HS3ST5: variants seen among roughly 807,000 people sequenced by gnomAD.
The protein encoded by HS3ST5 is heparan sulfate glucosamine 3-O-sulfotransferase 5.
HS3ST5 carries 10 observed loss-of-function variants against 25.4 expected under a neutral mutation model. The observed-to-expected ratio is 0.39, with a 90% CI of 0.24 to 0.67. The LOEUF (loss-of-function observed/expected upper bound fraction) is 0.67, where lower values mean the gene tolerates loss of function less well. Among genes scored for constraint, HS3ST5 ranks in the 30% least tolerant of loss-of-function variants. HS3ST5 has a pLI of 0.44. For missense variants in HS3ST5, 324 were observed against 420.7 expected (o/e 0.77, Z 2.01); for synonymous variants, 170 against 162.4 (o/e 1.05, Z -0.36).
intron 2 of HS3ST5, among the ~76,000 whole-genome samples, chr6:114,207,572 G>A (rs1378829488): frequency 2.0e-5 from 3 of 152,068 alleles, no homozygotes; most frequent in South Asian, 2.1e-4. Flanking sequence ...CATTCTCAGC[G>A]AGAAGTCCAA....
chr6:114,307,050 C>T (rs971450748), intron 1 of HS3ST5, among the ~76,000 whole-genome samples: 1 of 152,194 alleles, frequency 6.6e-6, no homozygotes. Flanking sequence ...ACTATATTCA[C>T]TTCAAGCAAG....
At chr6:114,243,740 T>A (rs1214879321) in intron 1 of HS3ST5, among the ~76,000 whole-genome samples, 8 of 152,212 alleles carry the variant, frequency 5.3e-5, no homozygotes, top group Non-Finnish European at 1.2e-4. Context: ...GAAGGTGGGA[T>A]GTCTTTCTCT....
At chr6:114,091,877 G>C (rs1041823868) in intron 3 of HS3ST5, among the ~76,000 whole-genome samples, 2 of 152,148 alleles carry the variant, frequency 1.3e-5, no homozygotes, top group Non-Finnish European at 2.9e-5. Context: ...CAGCCACAGA[G>C]AACTCTTATG....
At chr6:114,257,916 T>C (rs1010578) in intron 1 of HS3ST5, among the ~76,000 whole-genome samples, 10,592 of 151,970 alleles carry the variant, frequency 0.07, 491 homozygotes, top group Non-Finnish European at 0.1. Flanking sequence ...TATTGATTGA[T>C]AGATAGATAG....
At chr6:114,233,163 A>G (rs536677766) in intron 1 of HS3ST5, among the ~76,000 whole-genome samples, 154 of 152,136 alleles carry the variant, frequency 1.0e-3, no homozygotes, top group Non-Finnish European at 1.7e-3. Context: ...ATTACTTTGC[A>G]GTAACTCTTA....
intron 2 of HS3ST5, among the ~76,000 whole-genome samples, chr6:114,201,437 G>A (rs1781009738): frequency 6.6e-6 from 1 of 151,920 alleles, no homozygotes; most frequent in African/African-American, 2.4e-5. Flanking sequence ...TTTACCATTG[G>A]TCCCTCTCTT....
chr6:114,336,533 AGAG>A (rs1776618894), intron 1 of HS3ST5, among the ~76,000 whole-genome samples: 1 of 152,220 alleles, frequency 6.6e-6, no homozygotes, highest in Non-Finnish European at 1.5e-5. Flanking sequence ...CTTGAACCCA[AGAG>A]GAGGAGGCTG....
At chr6:114,092,068 C>T (rs761552081) in intron 3 of HS3ST5, among the ~76,000 whole-genome samples, 8 of 152,140 alleles carry the variant, frequency 5.3e-5, no homozygotes, top group Non-Finnish European at 1.2e-4. Flanking sequence ...ATTCAACAGG[C>T]CAAAAAGAGG....
intron 1 of HS3ST5, among the ~76,000 whole-genome samples, chr6:114,264,603 C>G (rs960978952): frequency 6.6e-6 from 1 of 152,058 alleles, no homozygotes; most frequent in Non-Finnish European, 1.5e-5. Context: ...TGTGGTGTCT[C>G]TTTTTCTTTT....
At chr6:114,323,505 A>C (rs958513132) in intron 1 of HS3ST5, among the ~76,000 whole-genome samples, 16 of 152,128 alleles carry the variant, frequency 1.1e-4, no homozygotes, top group African/African-American at 3.9e-4. Context: ...AGGAATCAGA[A>C]AGATAAGGAG....
chr6:114,315,083 G>A (rs1171400355), intron 1 of HS3ST5, among the ~76,000 whole-genome samples: 2 of 152,106 alleles, frequency 1.3e-5, no homozygotes, highest in Non-Finnish European at 2.9e-5. Context: ...AAGTATTAAT[G>A]TAGAATTAAT....
intron 4 of HS3ST5, among the ~76,000 whole-genome samples, chr6:114,060,910 C>T (rs1193194389): frequency 6.6e-6 from 1 of 152,042 alleles, no homozygotes; most frequent in Non-Finnish European, 1.5e-5. Flanking sequence ...GTATGGGTCC[C>T]AGACTGAAAA....
intron 2 of HS3ST5, among the ~76,000 whole-genome samples, chr6:114,199,466 T>C (rs1780911552): frequency 6.6e-6 from 1 of 152,200 alleles, no homozygotes. Flanking sequence ...CAAAACATAT[T>C]TCTCCTTTGG....
At chr6:114,080,344 C>T (rs939614135) in intron 3 of HS3ST5, among the ~76,000 whole-genome samples, 88 of 152,296 alleles carry the variant, frequency 5.8e-4, no homozygotes, top group African/African-American at 1.9e-3. Context: ...GTGATATTTA[C>T]ACATATGTTT....
chr6:114,192,317 ATCT>A (rs1780541101), intron 2 of HS3ST5, among the ~76,000 whole-genome samples: 1 of 152,172 alleles, frequency 6.6e-6, no homozygotes, highest in African/African-American at 2.4e-5. Flanking sequence ...AACTCATTTA[ATCT>A]TCTTAATAAC....
At chr6:114,173,999 TC>T (rs1391761110) in intron 2 of HS3ST5, among the ~76,000 whole-genome samples, 1 of 152,122 alleles carries the variant, frequency 6.6e-6, no homozygotes, top group Non-Finnish European at 1.5e-5. Context: ...AGTCAACACT[TC>T]AAAGACCTCT....
chr6:114,062,264 C>T (rs1773160092), intron 4 of HS3ST5, among the ~76,000 whole-genome samples: 1 of 152,212 alleles, frequency 6.6e-6, no homozygotes, highest in Admixed American at 6.5e-5. Context: ...CTCCCCACGC[C>T]TGCAGCCATC....
intron 1 of HS3ST5, among the ~76,000 whole-genome samples, chr6:114,254,975 G>T (rs1772838037): frequency 6.6e-6 from 1 of 152,084 alleles, no homozygotes; most frequent in African/African-American, 2.4e-5. Context: ...AACCAATCAT[G>T]CCTTCCCAAC....
chr6:114,089,755 C>G (rs1355619875), intron 3 of HS3ST5, among the ~76,000 whole-genome samples: 1 of 152,148 alleles, frequency 6.6e-6, no homozygotes, highest in East Asian at 1.9e-4. Context: ...TATGCTGAGG[C>G]AAGGGGTATA....
Sources: gnomAD v4.1 joint callset for allele counts (sites outside exome capture counted in the v4.1 genomes callset) on GRCh38, gnomAD v4.1.1 for gene constraint, MANE v1.5 for transcripts, NCBI Gene and HGNC (gene_info 2026-07-23, HGNC 2026-07-21) for gene names.